PRRC1: variants seen among roughly 807,000 people sequenced by gnomAD.
The protein encoded by PRRC1 is proline rich coiled-coil 1, also known as protein PRRC1.
In PRRC1, 39 loss-of-function variants were observed where a neutral mutation model predicts 40.7. The observed-to-expected ratio is 0.96, with a 90% CI of 0.74 to 1.25. PRRC1 has a LOEUF of 1.25. PRRC1 is among the 50% of genes most tolerant of loss of function. PRRC1 has a pLI of 0.00. For missense variants in PRRC1, 573 were observed against 548.3 expected (o/e 1.05, Z -0.45); for synonymous variants, 175 against 193.3 (o/e 0.91, Z 0.79).
At chr5:127,529,436 AT>A (rs1360555391) in intron 4 of PRRC1, among the ~76,000 whole-genome samples, 1 of 152,096 alleles carries the variant, frequency 6.6e-6, no homozygotes, top group Non-Finnish European at 1.5e-5. Context: ...ATGAGTTGTA[AT>A]ACCCAGTTCA....
chr5:127,542,328 T>C (rs151791), intron 7 of PRRC1, among the ~76,000 whole-genome samples: 46,518 of 151,514 alleles, frequency 0.31, 7,378 homozygotes, highest in East Asian at 0.54. Flanking sequence ...TGTGGTGTGG[T>C]GCTGAAAAAA....
At chr5:127,531,455 T>C (rs990669756) in intron 5 of PRRC1, among the ~76,000 whole-genome samples, 9 of 152,190 alleles carry the variant, frequency 5.9e-5, no homozygotes, top group African/African-American at 2.2e-4. Context: ...TATGTTCTTT[T>C]CTTTGCAAGT....
Position 127,552,858 on chromosome 5 carries a change from T to G in PRRC1, c.*942T>G, listed in dbSNP as rs1261250513. 2.0e-6 allele frequency: 2 copies of G among 982,096 alleles called. No individual in the cohort carries two copies. The highest frequency in any genetic ancestry group is 3.5e-5 in the African/African-American group (2 of 57,128). 60.8% of individuals were successfully genotyped at this position (982,096 alleles called of 1,614,324 possible). A position where few individuals can be genotyped will look rare whatever the true frequency, so the allele number is the denominator to read the frequency against. On this transcript the variant is annotated 3_prime_UTR_variant, in exon 9 of 9. Transcript: ENST00000296666. ...TTAAGGTTACTTATTTGGTTTGCCT[T>G]AAGCATTACTTTTTTAACTTTGTGC... is the stretch of plus-strand genomic sequence containing the variant.
chr5:127,520,105 C>T (rs1307292041), intron 1 of PRRC1, among the ~76,000 whole-genome samples: 1 of 152,208 alleles, frequency 6.6e-6, no homozygotes, highest in Non-Finnish European at 1.5e-5. Context: ...AAATTTGGGG[C>T]CACTTAATTC....
In PRRC1 at chr5:127,553,852, G is replaced by A; in HGVS notation, c.*1936G>A. 6.5e-7 allele frequency: 1 copy of A among 1,535,746 alleles called. No homozygotes were observed. Among genetic ancestry groups the A allele is most frequent in the Admixed American group, 2.0e-5 (1 of 50,988 alleles). On this transcript the variant is annotated 3_prime_UTR_variant, in exon 9 of 9. Coordinates refer to ENST00000296666, the MANE Select transcript of PRRC1 (RefSeq NM_130809.5). ...AGTGGCAGTCCATGGCTTGGTTGAA[G>A]CTAGAAATTTTCCTGCCCCTGGTGA...
intron 6 of PRRC1, among the ~76,000 whole-genome samples, chr5:127,534,152 A>G (rs17164844): frequency 0.019 from 2,949 of 152,240 alleles, 102 homozygotes; most frequent in African/African-American, 0.068. Flanking sequence ...AAAAATATGT[A>G]AGTTCCAGGA....
At chr5:127,545,626 G>T (rs1427934251) in intron 7 of PRRC1, among the ~76,000 whole-genome samples, 3 of 129,536 alleles carry the variant, frequency 2.3e-5, no homozygotes, top group African/African-American at 8.7e-5. Context: ...GCACACTCTG[G>T]GGACTGTTGT....
chr5:127,531,063 C>T lies in PRRC1; in HGVS notation c.757+667C>T, dbSNP rs925187207. Among the ~76,000 whole-genome samples the T allele has an allele frequency of 8.5e-5, 13 of 152,232 alleles. No individual in the cohort carries two copies. The East Asian group carries it at 1.7e-3, about 20-fold the overall frequency. ...AATTGTGCAGCAGGTACCTGAACAG[C>T]GATTTCAGTGGCAATAAAAAGCCAA... is the stretch of plus-strand genomic sequence containing the variant. On this transcript the variant is annotated intron_variant, in intron 5 of 8. Transcript: ENST00000296666.
chr5:127,520,730 G>A (rs1418114869), intron 1 of PRRC1, among the ~76,000 whole-genome samples: 1 of 152,114 alleles, frequency 6.6e-6, no homozygotes, highest in Non-Finnish European at 1.5e-5. Flanking sequence ...TGGTCGAGGT[G>A]GTGGTTATAC....
In PRRC1 at chr5:127,554,068, C is replaced by A; in HGVS notation, c.*2152C>A. ...TCAGCCTTTTGTTTATTTTGTTGTCCTTAGATTTCCCTGTTGTAAAAGGGG... is the reference window on the plus strand; with the variant it reads ...TCAGCCTTTTGTTTATTTTGTTGTCATTAGATTTCCCTGTTGTAAAAGGGG... On this transcript the variant is annotated 3_prime_UTR_variant, in exon 9 of 9. Coordinates refer to ENST00000296666, the MANE Select transcript of PRRC1 (RefSeq NM_130809.5). The A allele has an allele frequency of 1.5e-6, 1 of 645,434 alleles. No individual in the cohort carries two copies. The highest frequency in any genetic ancestry group is 2.5e-6 in the Non-Finnish European group (1 of 404,592). The allele number at this position is 645,434 out of a possible 1,614,324, so 40.0% of individuals were successfully genotyped here.
chr5:127,525,273 CTTTCACTTAAATAT>C (rs1233473272), intron 3 of PRRC1, among the ~76,000 whole-genome samples: 1 of 152,150 alleles, frequency 6.6e-6, no homozygotes, highest in South Asian at 2.1e-4. Context: ...TGACTGGCAA[CTTTCACTTAAATAT>C]TTTCACTTAA....
chr5:127,554,465 AT>A lies in PRRC1; in HGVS notation c.*2551del, dbSNP rs1768475928. The A allele has an allele frequency of 6.6e-6, 1 of 151,758 alleles. No individual in the cohort carries two copies. The highest frequency in any genetic ancestry group is 1.5e-5 in the Non-Finnish European group (1 of 67,992). The allele number at this position is 151,758 out of a possible 1,614,324, so 9.4% of individuals were successfully genotyped here. The stretch of plus-strand genomic sequence containing the variant: ...TTTATAAGCTTGTACACAATATTTA[AT>A]TAGTGTGAAAGGAAACAAAGAATGC... On this transcript the variant is annotated 3_prime_UTR_variant, in exon 9 of 9. Coordinates refer to ENST00000296666, the MANE Select transcript of PRRC1 (RefSeq NM_130809.5).
At chr5:127,522,722 TATACAC>T (rs1174643378) in intron 1 of PRRC1, among the ~76,000 whole-genome samples, 1 of 151,916 alleles carries the variant, frequency 6.6e-6, no homozygotes, top group Admixed American at 6.6e-5. Context: ...GGGGTTATCT[TATACAC>T]AGTACTTTAT....
chr5:127,528,568 C>T (rs952634938), intron 4 of PRRC1, among the ~76,000 whole-genome samples: 3 of 152,018 alleles, frequency 2.0e-5, no homozygotes, highest in Admixed American at 1.3e-4. Flanking sequence ...CTGCCCGCCT[C>T]GCCTCCCAAA....
At position 127,524,633 on chromosome 5, in the gene PRRC1, C is replaced by T; in HGVS notation, c.206C>T (p.Ser69Leu). The change falls in exon 3 of 9, where the codon TCA becomes TTA. Residue 69 changes from serine to leucine, a missense_variant. Ser to Leu is a moderately radical substitution (Grantham distance 145, BLOSUM62 -2). Coordinates refer to ENST00000296666, the MANE Select transcript of PRRC1 (RefSeq NM_130809.5). ...PQPPLPPVRP[S>L]APLPFVPPPA... ...CCGCCCCTTCCTCCTGTGAGGCCTT[C>T]AGCACCATTACCTTTTGTGCCTCCT... is the stretch of plus-strand genomic sequence containing the variant. 6.2e-7 allele frequency: 1 copy of T among 1,614,200 alleles called. No homozygotes were observed. The highest frequency in any genetic ancestry group is 8.5e-7 in the Non-Finnish European group (1 of 1,180,040).
intron 1 of PRRC1, among the ~76,000 whole-genome samples, chr5:127,519,521 C>T (rs1351114889): frequency 6.6e-6 from 1 of 152,196 alleles, no homozygotes; most frequent in African/African-American, 2.4e-5. Context: ...TATTTGGCTT[C>T]TCTGCAGCAT....
In PRRC1 at chr5:127,547,893, C is replaced by T; in HGVS notation, c.1100C>T (p.Thr367Ile). Residue 367 changes from threonine to isoleucine, a missense_variant, in exon 8 of 9, where the codon ACA becomes ATA. Thr to Ile is a moderately conservative substitution (Grantham distance 89). Transcript: ENST00000296666. ...GIHLETFTQA[T>I]PVPLEFVQQA... is the part of the protein sequence containing the mutation. ...CATCTAGAAACATTTACACAAGCCA[C>T]ACCAGTGCCTTTGGAATTTGTACAG... is the stretch of plus-strand genomic sequence containing the variant. 1 of 1,613,652 alleles carries T rather than the reference C, an allele frequency of 6.2e-7. No homozygotes were observed. Among genetic ancestry groups the T allele is most frequent in the Non-Finnish European group, 8.5e-7 (1 of 1,179,618 alleles).
chr5:127,537,605 T>G (rs1443187768), intron 6 of PRRC1, among the ~76,000 whole-genome samples: 1 of 151,918 alleles, frequency 6.6e-6, no homozygotes, highest in Non-Finnish European at 1.5e-5. Context: ...TAGTGAAAAA[T>G]GAACAAACTT....
chr5:127,528,264 T>A (rs990328338), intron 4 of PRRC1, among the ~76,000 whole-genome samples: 25 of 152,268 alleles, frequency 1.6e-4, no homozygotes, highest in African/African-American at 6.0e-4. Flanking sequence ...AAAGTTCAAT[T>A]TCAGGAGTCA....
Sources: allele counts gnomAD v4.1 joint callset (sites outside exome capture counted in the v4.1 genomes callset), GRCh38; gene constraint gnomAD v4.1.1; transcripts MANE v1.5; gene names NCBI Gene and HGNC (gene_info 2026-07-23, HGNC 2026-07-21).